The following MDGA2 variants were observed in gnomAD, a reference collection of about 807,000 sequenced individuals.
The protein encoded by MDGA2 is MAM domain-containing glycosylphosphatidylinositol anchor protein 2.
A neutral mutation model predicts 117.8 loss-of-function variants in MDGA2; 40 were observed. That is an observed-to-expected ratio of 0.34 (90% CI 0.26 to 0.44). The LOEUF (loss-of-function observed/expected upper bound fraction) is 0.44. Ranked by LOEUF, MDGA2 falls within the 20% of genes least tolerant of loss-of-function variation. The probability of loss-of-function intolerance (pLI) is 1.00; values close to 1 mark genes in which losing one functional copy is unlikely to be tolerated. For missense variants in MDGA2, 1,123 were observed against 1,250.6 expected, an observed-to-expected ratio of 0.90 and a Z score of 1.54; for synonymous variants, 452 against 439.0, an observed-to-expected ratio of 1.03 and a Z score of -0.37.
chr14:47,432,373 A>G, intron 1 of MDGA2, among the ~76,000 whole-genome samples: 1 of 152,076 alleles, frequency 6.6e-6, no homozygotes, highest in Non-Finnish European at 1.5e-5. Context: ...GTGTTATCTC[A>G]TATATATCCG....
At chr14:47,087,292 ATC>A (rs1890936197) in intron 6 of MDGA2, among the ~76,000 whole-genome samples, 1 of 151,810 alleles carries the variant, frequency 6.6e-6, no homozygotes, top group Non-Finnish European at 1.5e-5. Flanking sequence ...AGGCAGGTGG[ATC>A]ACCTGAGATC....
intron 1 of MDGA2, among the ~76,000 whole-genome samples, chr14:47,342,276 AT>A (rs879452496): frequency 0.094 from 11,878 of 126,360 alleles, 555 homozygotes; most frequent in East Asian, 0.21. Flanking sequence ...ATATATATAT[AT>A]ATATAAAATA....
At chr14:47,446,054 A>AT (rs576681732) in intron 1 of MDGA2, among the ~76,000 whole-genome samples, 1 of 152,264 alleles carries the variant, frequency 6.6e-6, no homozygotes, top group Non-Finnish European at 1.5e-5. Context: ...TTTAACTATT[A>AT]TTTTTTCAAG....
chr14:46,902,749 A>G (rs1883337175), intron 10 of MDGA2, among the ~76,000 whole-genome samples: 1 of 152,192 alleles, frequency 6.6e-6, no homozygotes, highest in Non-Finnish European at 1.5e-5. Flanking sequence ...AATCTGCTGT[A>G]TGTTCAAGGT....
rs917707043 is a variant in MDGA2, at chr14:46,942,980, G to A, written c.2089+14394C>T. ...TTTATCTCCATATTCTATCAATCAC[G>A]AATAAATGGGTATTAAAATCTTGAA... is the stretch of plus-strand genomic sequence containing the variant. On this transcript the variant is annotated intron_variant, in intron 9 of 16. Transcript: ENST00000399232. Among the ~76,000 whole-genome samples the A allele has an allele frequency of 3.3e-5, 5 of 152,020 alleles. No homozygotes were observed. The East Asian group carries it at 5.8e-4, about 18-fold the overall frequency.
At chr14:47,084,392 T>C (rs183293917) in intron 6 of MDGA2, among the ~76,000 whole-genome samples, 10 of 151,686 alleles carry the variant, frequency 6.6e-5, no homozygotes, top group Admixed American at 6.6e-4. Flanking sequence ...GTTAAAGAAG[T>C]GCTGAGAGGG....
intron 1 of MDGA2, among the ~76,000 whole-genome samples, chr14:47,522,386 CAATT>C (rs1436502783): frequency 6.6e-6 from 1 of 151,334 alleles, no homozygotes; most frequent in Non-Finnish European, 1.5e-5. Flanking sequence ...CACACACACA[CAATT>C]AAATATCAGT....
intron 1 of MDGA2, 22 bp from the exon 2 acceptor site, chr14:47,301,572 A>G (rs1160129956): frequency 6.4e-7 from 1 of 1,551,268 alleles, no homozygotes; most frequent in African/African-American, 1.4e-5. Flanking sequence ...GGAAGAAGAG[A>G]GACAAGATAC....
intron 7 of MDGA2, among the ~76,000 whole-genome samples, chr14:47,042,530 G>A (rs1246977314): frequency 6.6e-6 from 1 of 152,094 alleles, no homozygotes; most frequent in Non-Finnish European, 1.5e-5. Flanking sequence ...CAGTGTTTGT[G>A]TCAGCAGTCC....
chr14:47,090,496 A>C (rs375461163), intron 6 of MDGA2, among the ~76,000 whole-genome samples: 1 of 152,184 alleles, frequency 6.6e-6, no homozygotes, highest in African/African-American at 2.4e-5. Flanking sequence ...TGGAAAAAGT[A>C]AAGGCCTAAA....
In MDGA2 at chr14:47,292,789, C is replaced by G. The variant is rs77012147; in HGVS notation, c.420+8622G>C. On this transcript the variant is annotated intron_variant, in intron 2 of 16. Coordinates refer to ENST00000399232, the MANE Select transcript of MDGA2 (RefSeq NM_001113498.3). Reference sequence around the variant, plus strand: ...TTATAGCGGAAAATGCCTACTTCCTCAAGGTGTCATTTTTGTCTTTTTAGA... The same window carrying G: ...TTATAGCGGAAAATGCCTACTTCCTGAAGGTGTCATTTTTGTCTTTTTAGA... Among the ~76,000 whole-genome samples, 306 of 152,230 alleles carry G rather than the reference C, an allele frequency of 2.0e-3. 2 individuals are homozygous for G. The highest frequency in any genetic ancestry group is 8.9e-3 in the South Asian group (43 of 4,828).
chr14:47,165,361 G>A (rs1175943486), intron 3 of MDGA2, among the ~76,000 whole-genome samples: 1 of 152,136 alleles, frequency 6.6e-6, no homozygotes, highest in Non-Finnish European at 1.5e-5. Flanking sequence ...ATTCTTCCCA[G>A]CTGTCTTCTA....
chr14:47,180,316 A>T (rs2139366965), intron 3 of MDGA2, among the ~76,000 whole-genome samples: 1 of 152,332 alleles, frequency 6.6e-6, no homozygotes, highest in Non-Finnish European at 1.5e-5. Context: ...GAGACACCAA[A>T]AGCAACTGCA....
At chr14:47,648,592 A>G (rs552043036) in intron 1 of MDGA2, among the ~76,000 whole-genome samples, 1 of 152,054 alleles carries the variant, frequency 6.6e-6, no homozygotes, top group Non-Finnish European at 1.5e-5. Context: ...GCACAAGCAA[A>G]GTTCAGCTGC....
intron 1 of MDGA2, among the ~76,000 whole-genome samples, chr14:47,339,755 A>G (rs1890565051): frequency 6.6e-6 from 1 of 152,170 alleles, no homozygotes; most frequent in Non-Finnish European, 1.5e-5. Flanking sequence ...AAACCTCTTT[A>G]CTTTCTGAAT....
intron 3 of MDGA2, among the ~76,000 whole-genome samples, chr14:47,177,234 T>G (rs1884498969): frequency 6.6e-6 from 1 of 151,998 alleles, no homozygotes; most frequent in Non-Finnish European, 1.5e-5. Context: ...ATTGTGGAAG[T>G]CAGTGTGGCG....
In MDGA2 at chr14:47,585,558, T is replaced by C. The variant is rs114332782; in HGVS notation, c.280+88959A>G. ...CGGTAATGCGCAGGAAAGAGAGATATTGACAGTTAAGAGTCTCTCAGGTGC... is the reference window on the plus strand; with the variant it reads ...CGGTAATGCGCAGGAAAGAGAGATACTGACAGTTAAGAGTCTCTCAGGTGC... On this transcript the variant is annotated intron_variant, in intron 1 of 16. Transcript: ENST00000399232. 4.1e-3 allele frequency among the ~76,000 whole-genome samples: 621 copies of C among 151,946 alleles called. 5 individuals carry two copies. The highest frequency in any genetic ancestry group is 0.014 in the African/African-American group (593 of 41,510).
chr14:46,894,841 T>C (rs963340156), intron 10 of MDGA2, among the ~76,000 whole-genome samples: 1 of 152,222 alleles, frequency 6.6e-6, no homozygotes, highest in Non-Finnish European at 1.5e-5. Flanking sequence ...GATAAATTAC[T>C]ATGAAAGAAA....
Position 47,035,204 on chromosome 14 carries a change from T to C in MDGA2, c.1626A>G (p.Pro542=), listed in dbSNP as rs1468386791. 2 of 1,614,148 alleles carry C rather than the reference T, an allele frequency of 1.2e-6. No individual in the cohort carries two copies. The highest frequency in any genetic ancestry group is 1.1e-5 in the South Asian group (1 of 91,084). Residue 542 remains proline (P), a synonymous_variant, in exon 8 of 17, where the codon CCA becomes CCG. Coordinates refer to ENST00000399232, the MANE Select transcript of MDGA2 (RefSeq NM_001113498.3). ...TATCCGCTCTAGACCAAAGGATGAT[T>C]GGTTTAGGTTTGCCAGTTACTTGAC... ...LQCQVTGKPK[P]IILWSRADKE...
Sources: gnomAD v4.1 joint callset for allele counts (sites outside exome capture counted in the v4.1 genomes callset) on GRCh38, gnomAD v4.1.1 for gene constraint, MANE v1.5 for transcripts, NCBI Gene and HGNC (gene_info 2026-07-23, HGNC 2026-07-21) for gene names.